The following ABLIM1 variants were observed in gnomAD, a reference collection of about 807,000 sequenced individuals.
The protein encoded by ABLIM1 is actin binding LIM protein 1, also known as actin-binding LIM protein 1.
ABLIM1 carries 40 observed loss-of-function variants against 107.0 expected under a neutral mutation model. That is an observed-to-expected ratio of 0.37 (90% CI 0.29 to 0.49). The LOEUF (loss-of-function observed/expected upper bound fraction) is 0.49. Among genes scored for constraint, ABLIM1 ranks in the 20% least tolerant of loss-of-function variants. The probability of loss-of-function intolerance (pLI) is 0.97; values close to 1 mark genes in which losing one functional copy is unlikely to be tolerated. For missense variants in ABLIM1, 857 were observed against 1,008.5 expected (o/e 0.85, Z 2.04); for synonymous variants, 357 against 357.3 (o/e 1.00, Z 0.01).
At chr10:114,698,347 G>C (rs1591841881) in intron 1 of ABLIM1, among the ~76,000 whole-genome samples, 1 of 142,986 alleles carries the variant, frequency 7.0e-6, no homozygotes, top group African/African-American at 2.6e-5. Flanking sequence ...AGACAGGCTA[G>C]AAAACAAAAT....
intron 2 of ABLIM1, among the ~76,000 whole-genome samples, chr10:114,583,125 C>T (rs73361086): frequency 0.01 from 1,578 of 151,582 alleles, 28 homozygotes; most frequent in African/African-American, 0.037. Context: ...CAACAAAAGT[C>T]TATTATACAG....
chr10:114,538,770 T>A (rs983263939), intron 6 of ABLIM1, among the ~76,000 whole-genome samples: 4 of 152,204 alleles, frequency 2.6e-5, no homozygotes, highest in African/African-American at 9.6e-5. Context: ...CTCAGGGAAG[T>A]ACCACTCTGC....
intron 1 of ABLIM1, among the ~76,000 whole-genome samples, chr10:114,705,035 C>CT (rs956811657): frequency 8.0e-4 from 120 of 149,342 alleles, no homozygotes; most frequent in Non-Finnish European, 1.4e-3. Context: ...AGTTCAAGTT[C>CT]TTTTTTTTTT....
intron 4 of ABLIM1, among the ~76,000 whole-genome samples, chr10:114,559,927 A>G (rs2069425976): frequency 6.6e-6 from 1 of 152,338 alleles, no homozygotes; most frequent in East Asian, 1.9e-4. Context: ...AGGATCTAAG[A>G]GTGGGAGAGA....
At chr10:114,454,447 T>C (rs1466453125) in intron 12 of ABLIM1, among the ~76,000 whole-genome samples, 1 of 152,090 alleles carries the variant, frequency 6.6e-6, no homozygotes, top group Non-Finnish European at 1.5e-5. Context: ...GGGAAGCCCA[T>C]ATTCCAGACA....
intron 5 of ABLIM1, 197 bp downstream of exon 5, chr10:114,547,453 A>G: frequency 1.6e-6 from 1 of 635,270 alleles, no homozygotes; most frequent in Non-Finnish European, 2.6e-6. Context: ...TGATTAACAT[A>G]TCATTAGGTT....
intron 12 of ABLIM1, among the ~76,000 whole-genome samples, chr10:114,456,061 G>A (rs917761359): frequency 2.0e-5 from 3 of 152,152 alleles, no homozygotes; most frequent in African/African-American, 2.4e-5. Flanking sequence ...TGATCCACCC[G>A]CCTCGGCCTC....
intron 1 of ABLIM1, among the ~76,000 whole-genome samples, chr10:114,731,081 G>T (rs1244560402): frequency 6.6e-6 from 1 of 152,104 alleles, no homozygotes; most frequent in Non-Finnish European, 1.5e-5. Flanking sequence ...TATTTGAGTT[G>T]TTTGCAATTT....
chr10:114,775,681 A>G, the ABLIM1 span, among the ~76,000 whole-genome samples: 2 of 152,208 alleles, frequency 1.3e-5, no homozygotes, highest in South Asian at 4.1e-4. Flanking sequence ...ACTGATTCTT[A>G]TATTATTGAA....
intron 6 of ABLIM1, among the ~76,000 whole-genome samples, chr10:114,523,219 G>A (rs1198097593): frequency 6.6e-6 from 1 of 152,062 alleles, no homozygotes; most frequent in Non-Finnish European, 1.5e-5. Context: ...AAGAGATTGA[G>A]AGGATCTTTG....
At chr10:114,541,899 AACACACAC>A (rs66907896) in intron 6 of ABLIM1, among the ~76,000 whole-genome samples, 1 of 150,474 alleles carries the variant, frequency 6.6e-6, no homozygotes, top group Admixed American at 6.6e-5. Flanking sequence ...GAAGGGAATC[AACACACAC>A]ACACACACAC....
chr10:114,583,270 A>C (rs2139274552), intron 2 of ABLIM1, among the ~76,000 whole-genome samples: 1 of 151,264 alleles, frequency 6.6e-6, no homozygotes, highest in Middle Eastern at 3.4e-3. Context: ...ATCACTAATC[A>C]TCAGAGAAAT....
rs116119957 is a variant in ABLIM1, at chr10:114,732,623, C to T, written c.-213+35438G>A. The stretch of plus-strand genomic sequence containing the variant: ...TCCTTGGTTGCTTGTGCTAAGAAAT[C>T]GTTGCCTAGTCCAAAGTCATAAAGA... On this transcript the variant is annotated intron_variant, in intron 1 of 15. Coordinates refer to the ABLIM1 transcript ENST00000651092. Among the ~76,000 whole-genome samples the T allele has an allele frequency of 4.0e-3, 601 of 152,150 alleles. 8 individuals carry two copies. The highest frequency in any genetic ancestry group is 0.013 in the African/African-American group (541 of 41,508).
At chr10:114,573,515 C>T (rs2072015155) in intron 3 of ABLIM1, among the ~76,000 whole-genome samples, 1 of 152,204 alleles carries the variant, frequency 6.6e-6, no homozygotes, top group African/African-American at 2.4e-5. Context: ...AAAGCAATGA[C>T]CTCTCAGGGT....
chr10:114,493,595 C>T (rs1172996744), intron 6 of ABLIM1, among the ~76,000 whole-genome samples: 2 of 151,968 alleles, frequency 1.3e-5, no homozygotes, highest in Admixed American at 6.6e-5. Flanking sequence ...AGTCATATGG[C>T]TAGATAAAAA....
chr10:114,501,118 T>G (rs2060366740), intron 6 of ABLIM1, among the ~76,000 whole-genome samples: 1 of 152,232 alleles, frequency 6.6e-6, no homozygotes, highest in African/African-American at 2.4e-5. Flanking sequence ...GTTTCAGTAT[T>G]TGCTTGTTTC....
chr10:114,435,020 A>G lies in ABLIM1; in HGVS notation c.*1240T>C, dbSNP rs1374057935. The G allele has an allele frequency of 6.6e-6, 1 of 152,198 alleles. No individual in the cohort carries two copies. The highest frequency in any genetic ancestry group is 1.5e-5 in the Non-Finnish European group (1 of 68,048). 9.4% of individuals were successfully genotyped at this position (152,198 alleles called of 1,614,324 possible). On this transcript the variant is annotated 3_prime_UTR_variant, in exon 23 of 23. Transcript: ENST00000533213. ...TCTTTAGAAGCTGCAACACAGCAGGACAAACATTCAAGCAGAAATTAAAAA... is the reference window on the plus strand; with the variant it reads ...TCTTTAGAAGCTGCAACACAGCAGGGCAAACATTCAAGCAGAAATTAAAAA...
At chr10:114,552,733 A>C (rs1051863142) in intron 4 of ABLIM1, among the ~76,000 whole-genome samples, 1 of 152,192 alleles carries the variant, frequency 6.6e-6, no homozygotes, top group Non-Finnish European at 1.5e-5. Context: ...TATATATTTT[A>C]GCATAGGGCT....
the ABLIM1 span, among the ~76,000 whole-genome samples, chr10:114,799,739 T>C: frequency 1.3e-5 from 2 of 152,216 alleles, no homozygotes; most frequent in African/African-American, 4.8e-5. Flanking sequence ...CATTCTTGCC[T>C]TTCCCACAGT....
Sources: allele counts gnomAD v4.1 joint callset (sites outside exome capture counted in the v4.1 genomes callset), GRCh38; gene constraint gnomAD v4.1.1; transcripts MANE v1.5; gene names NCBI Gene and HGNC (gene_info 2026-07-23, HGNC 2026-07-21).